The following ATXN7L1 variants were observed in gnomAD, a reference collection of about 807,000 sequenced individuals.
The protein encoded by ATXN7L1 is ataxin 7 like 1, also known as ataxin-7-like protein 1.
A neutral mutation model predicts 70.8 loss-of-function variants in ATXN7L1; 15 were observed. The ratio of observed to expected loss-of-function variants is 0.21; its 90% CI spans 0.14 to 0.33. The LOEUF (loss-of-function observed/expected upper bound fraction) is 0.33. ATXN7L1 is among the 10% of genes least tolerant of loss of function. ATXN7L1 has a pLI of 1.00. For synonymous variants in ATXN7L1, 440 were observed against 445.1 expected (o/e 0.99, Z 0.14); for missense variants, 975 against 1,097.1 (o/e 0.89, Z 1.57).
At chr7:105,665,963 G>A (rs1397573500) in intron 3 of ATXN7L1, among the ~76,000 whole-genome samples, 1 of 152,192 alleles carries the variant, frequency 6.6e-6, no homozygotes, top group Non-Finnish European at 1.5e-5. Flanking sequence ...ACAACTTCCT[G>A]AGGTTCTACA....
At chr7:105,782,295 T>C (rs901495262) in intron 3 of ATXN7L1, among the ~76,000 whole-genome samples, 12 of 152,228 alleles carry the variant, frequency 7.9e-5, no homozygotes, top group Admixed American at 7.2e-4. Context: ...TTCTTGTTTC[T>C]GTTTCCCCCT....
At chr7:105,618,992 C>T (rs1178765027) in intron 9 of ATXN7L1, among the ~76,000 whole-genome samples, 1 of 151,960 alleles carries the variant, frequency 6.6e-6, no homozygotes, top group Non-Finnish European at 1.5e-5. Flanking sequence ...GTGGGGAGTC[C>T]TAAGGAGGCG....
intron 4 of ATXN7L1, among the ~76,000 whole-genome samples, chr7:105,656,778 C>T (rs1800718180): frequency 6.6e-6 from 1 of 152,168 alleles, no homozygotes; most frequent in African/African-American, 2.4e-5. Flanking sequence ...GCCATGTTGG[C>T]CAGGATCGTC....
chr7:105,786,603 C>G (rs1024080195), intron 3 of ATXN7L1, among the ~76,000 whole-genome samples: 2 of 152,154 alleles, frequency 1.3e-5, no homozygotes, highest in African/African-American at 4.8e-5. Flanking sequence ...TCACAGCAAC[C>G]TCGAACTGCT....
chr7:105,861,442 G>A (rs989661655), intron 2 of ATXN7L1, among the ~76,000 whole-genome samples: 23 of 151,456 alleles, frequency 1.5e-4, no homozygotes, highest in African/African-American at 5.6e-4. Context: ...AGATGGAGAG[G>A]TGCAGGGAAT....
chr7:105,676,052 C>A (rs1395703758), intron 3 of ATXN7L1, among the ~76,000 whole-genome samples: 1 of 152,142 alleles, frequency 6.6e-6, no homozygotes, highest in Non-Finnish European at 1.5e-5. Flanking sequence ...CAGATCCTGG[C>A]TCGCTGCCAC....
rs1240860023 is a variant in ATXN7L1, at chr7:105,604,774, G to A, written c.*3078C>T. 6.6e-6 allele frequency among the ~76,000 whole-genome samples: 1 copy of A among 152,174 alleles called. No homozygotes were observed. On this transcript the variant is annotated 3_prime_UTR_variant, in exon 12 of 12. Transcript: ENST00000419735. ...GACAAATGAGCAGGTGCAAATTCTT[G>A]TCTGTGCAACAACAGTTATTTAATA...
intron 3 of ATXN7L1, among the ~76,000 whole-genome samples, chr7:105,767,847 G>A (rs1021528124): frequency 6.6e-6 from 1 of 152,194 alleles, no homozygotes; most frequent in African/African-American, 2.4e-5. Context: ...GCACTGGCTT[G>A]CTCAGGCCTT....
chr7:105,608,305 G>T (rs928159314), intron 11 of ATXN7L1, among the ~76,000 whole-genome samples: 2 of 152,222 alleles, frequency 1.3e-5, no homozygotes, highest in Admixed American at 6.5e-5. Flanking sequence ...AGAGGCTCTG[G>T]AGAGAGAGAT....
intron 2 of ATXN7L1, among the ~76,000 whole-genome samples, chr7:105,867,987 T>G (rs1235775445): frequency 6.6e-6 from 1 of 152,220 alleles, no homozygotes; most frequent in East Asian, 1.9e-4. Context: ...GTGGTGCCAC[T>G]GGTGAGAAAT....
At chr7:105,634,050 C>T (rs780253954) in intron 7 of ATXN7L1, among the ~76,000 whole-genome samples, 2 of 152,138 alleles carry the variant, frequency 1.3e-5, no homozygotes, top group Non-Finnish European at 2.9e-5. Flanking sequence ...GACCTTTTAG[C>T]TCTGATTGCT....
chr7:105,858,847 G>A (rs1316494855), intron 2 of ATXN7L1, among the ~76,000 whole-genome samples: 1 of 151,932 alleles, frequency 6.6e-6, no homozygotes, highest in Admixed American at 6.6e-5. Context: ...AGAACAGGAA[G>A]CATTTTAAAT....
At chr7:105,706,636 C>G (rs1793209215) in intron 3 of ATXN7L1, among the ~76,000 whole-genome samples, 1 of 152,254 alleles carries the variant, frequency 6.6e-6, no homozygotes, top group African/African-American at 2.4e-5. Flanking sequence ...TTCTCCATCA[C>G]TATGCCAGCC....
At chr7:105,659,318 C>T (rs548776280) in intron 4 of ATXN7L1, among the ~76,000 whole-genome samples, 12 of 152,204 alleles carry the variant, frequency 7.9e-5, no homozygotes, top group Non-Finnish European at 1.6e-4. Flanking sequence ...TCAATGGTCA[C>T]ATCCATTTCA....
At chr7:105,814,438 T>C (rs1291730486) in intron 2 of ATXN7L1, among the ~76,000 whole-genome samples, 1 of 148,726 alleles carries the variant, frequency 6.7e-6, no homozygotes, top group Non-Finnish European at 1.5e-5. Context: ...TCCAGCAGGG[T>C]TTTTTTTTTC....
chr7:105,629,635 C>A (rs1310804922), intron 7 of ATXN7L1, among the ~76,000 whole-genome samples: 1 of 151,188 alleles, frequency 6.6e-6, no homozygotes, highest in Non-Finnish European at 1.5e-5. Context: ...CCTGCCTCAG[C>A]CTCCTGCGTA....
At chr7:105,656,516 T>G (rs527997526) in intron 4 of ATXN7L1, among the ~76,000 whole-genome samples, 1 of 151,844 alleles carries the variant, frequency 6.6e-6, no homozygotes, top group South Asian at 2.1e-4. Context: ...TGTCAGGCAG[T>G]TCTGCAGGGA....
At chr7:105,730,817 A>T (rs1416171833) in intron 3 of ATXN7L1, among the ~76,000 whole-genome samples, 1 of 152,194 alleles carries the variant, frequency 6.6e-6, no homozygotes, top group Non-Finnish European at 1.5e-5. Context: ...CCTGGAAGAG[A>T]AAGCTATCGT....
At chr7:105,868,919 G>A (rs1332373514) in intron 2 of ATXN7L1, among the ~76,000 whole-genome samples, 1 of 152,116 alleles carries the variant, frequency 6.6e-6, no homozygotes. Context: ...TTCCTGTTGT[G>A]GAAGTAGACA....
Sources: gnomAD v4.1 joint callset for allele counts (sites outside exome capture counted in the v4.1 genomes callset) on GRCh38, gnomAD v4.1.1 for gene constraint, MANE v1.5 for transcripts, NCBI Gene and HGNC (gene_info 2026-07-23, HGNC 2026-07-21) for gene names.